The following AFF2 variants were observed in gnomAD, a reference collection of about 807,000 sequenced individuals.
AFF2 encodes the protein ALF transcription elongation factor 2, also known as AF4/FMR2 family member 2.
A neutral mutation model predicts 76.9 loss-of-function variants in AFF2; 14 were observed. That is an observed-to-expected ratio of 0.18 (90% CI 0.12 to 0.28). The LOEUF is 0.28. Ranked by LOEUF, AFF2 falls within the 10% of genes least tolerant of loss-of-function variation. The pLI, the probability that AFF2 is intolerant of heterozygous loss-of-function variation, is 1.00. For synonymous variants in AFF2, 398 were observed against 366.7 expected (o/e 1.09, Z -0.98); for missense variants, 868 against 1,001.1 (o/e 0.87, Z 1.79).
At chrX:148,863,892 T>C (rs2070877234) in intron 7 of AFF2, among the ~76,000 whole-genome samples, 1 of 111,692 alleles carries the variant, frequency 9.0e-6, no homozygotes, top group African/African-American at 3.3e-5. Flanking sequence ...GATTCTTATG[T>C]TTGCTGTAAG....
Position 148,749,756 on chromosome X carries a change from G to T in AFF2, c.1042-60120G>T, listed in dbSNP as rs2055473711. 2.7e-5 allele frequency among the ~76,000 whole-genome samples: 3 copies of T among 110,926 alleles called. No individual in the cohort carries two copies. The Admixed American group carries it at 2.9e-4, about 11-fold the overall frequency. ...GTCAAATCTTCACAGCACTTGCAAG[G>T]TAGTTGGCATTAAGCATCTTTTACA... On this transcript the variant is annotated intron_variant, in intron 3 of 20. Coordinates refer to ENST00000370460, the MANE Select transcript of AFF2 (RefSeq NM_002025.4).
intron 10 of AFF2, among the ~76,000 whole-genome samples, chrX:148,954,634 A>T (rs2072010581): frequency 8.9e-6 from 1 of 112,019 alleles, no homozygotes; most frequent in Non-Finnish European, 1.9e-5. Flanking sequence ...GAGGTTAAAA[A>T]GAACTTTCCC....
At chrX:148,825,021 TGACA>T (rs782052345) in intron 4 of AFF2, among the ~76,000 whole-genome samples, 10 of 110,974 alleles carry the variant, frequency 9.0e-5, no homozygotes, top group South Asian at 3.9e-4. Context: ...CACTCTGAGG[TGACA>T]GACAGAGTGA....
intron 3 of AFF2, among the ~76,000 whole-genome samples, chrX:148,789,532 G>A (rs2069864716): frequency 9.0e-6 from 1 of 111,543 alleles, no homozygotes; most frequent in Non-Finnish European, 1.9e-5. Context: ...AGCCCAGAGA[G>A]CATAGGTGAT....
chrX:148,793,402 A>G (rs1387021438), intron 3 of AFF2, among the ~76,000 whole-genome samples: 3 of 111,556 alleles, frequency 2.7e-5, no homozygotes, highest in African/African-American at 9.8e-5. Context: ...AGCTTTAACA[A>G]TTACCCCATC....
At chrX:148,868,849 A>G (rs782666123) in intron 7 of AFF2, among the ~76,000 whole-genome samples, 4 of 111,862 alleles carry the variant, frequency 3.6e-5, no homozygotes, top group Non-Finnish European at 7.5e-5. Flanking sequence ...CAAAATGGCA[A>G]AAACGGCTTA....
At chrX:148,952,036 A>C (rs2071974762) in intron 9 of AFF2, among the ~76,000 whole-genome samples, 1 of 112,214 alleles carries the variant, frequency 8.9e-6, no homozygotes, top group Middle Eastern at 4.6e-3. Flanking sequence ...CGGCACAGGA[A>C]GTGGATAGGC....
rs782356978 is a variant in AFF2 at position 148,956,641 on chromosome X, T to G, written c.2568+28T>G. 7 of 1,170,342 alleles carry G rather than the reference T, an allele frequency of 6.0e-6. No individual in the cohort carries two copies. The South Asian group carries it at 1.4e-4, about 23-fold the overall frequency. ...AAGCTGTCTAAAGTGGCCTGCCAAG[T>G]GCTTGTGAGCAGTGTCTGTTTGTTG... On this transcript the variant is annotated intron_variant, in intron 11 of 20. Coordinates refer to ENST00000370460, the MANE Select transcript of AFF2 (RefSeq NM_002025.4).
chrX:148,790,446 C>T (rs2069876805), intron 3 of AFF2, among the ~76,000 whole-genome samples: 1 of 111,536 alleles, frequency 9.0e-6, no homozygotes, highest in African/African-American at 3.3e-5. Flanking sequence ...CCCAAATGCC[C>T]ATCAATGATA....
At chrX:148,678,516 A>G (rs1432582449) in intron 3 of AFF2, among the ~76,000 whole-genome samples, 4 of 111,702 alleles carry the variant, frequency 3.6e-5, no homozygotes, top group Admixed American at 9.5e-5. Flanking sequence ...AGCCAGTCCA[A>G]TTGGCTTAAT....
chrX:148,607,650 C>T (rs181146346), intron 1 of AFF2, among the ~76,000 whole-genome samples: 37 of 111,648 alleles, frequency 3.3e-4, no homozygotes, highest in African/African-American at 1.2e-3. Context: ...TAGAGGGCAA[C>T]ATCAAAGGGG....
In AFF2 at chrX:148,658,461, GC is replaced by G. The variant is rs781991307; in HGVS notation, c.181-3446del. ...AGCTTCACTCCTGTGTCATTACTGTGCAAGAAAGCTGCACGCCTGGATTGTA... is the reference window on the plus strand; with the variant it reads ...AGCTTCACTCCTGTGTCATTACTGTGAAGAAAGCTGCACGCCTGGATTGTA... On this transcript the variant is annotated intron_variant, in intron 2 of 20. Coordinates refer to ENST00000370460, the MANE Select transcript of AFF2 (RefSeq NM_002025.4). Among the ~76,000 whole-genome samples, 3 of 111,955 alleles carry G rather than the reference GC, an allele frequency of 2.7e-5. No individual in the cohort carries two copies. In the South Asian group the frequency reaches 1.1e-3, roughly 42 times the overall value.
chrX:148,701,005 A>T (rs868948920), intron 3 of AFF2, among the ~76,000 whole-genome samples: 3 of 88,534 alleles, frequency 3.4e-5, no homozygotes, highest in South Asian at 6.2e-4. Flanking sequence ...AGAGAGAGAG[A>T]GAGAGAATGT....
intron 8 of AFF2, among the ~76,000 whole-genome samples, chrX:148,896,646 A>G (rs1202970131): frequency 1.3e-4 from 15 of 111,125 alleles, no homozygotes; most frequent in African/African-American, 4.6e-4. Flanking sequence ...CTGATAAAAC[A>G]TATTATATTG....
At chrX:148,681,036 GA>G (rs782361214) in intron 3 of AFF2, among the ~76,000 whole-genome samples, 18 of 111,763 alleles carry the variant, frequency 1.6e-4, no homozygotes, top group African/African-American at 5.8e-4. Context: ...ACCCAGAGTT[GA>G]GACCTTTGCG....
At chrX:148,507,137 A>G (rs1364896595) in intron 1 of AFF2, among the ~76,000 whole-genome samples, 2 of 112,313 alleles carry the variant, frequency 1.8e-5, no homozygotes, top group Non-Finnish European at 3.8e-5. Context: ...TCTTTCAAGG[A>G]TAGTTACTTA....
intron 3 of AFF2, among the ~76,000 whole-genome samples, chrX:148,804,614 G>T (rs1481738256): frequency 1.8e-5 from 2 of 112,634 alleles, no homozygotes; most frequent in Non-Finnish European, 3.7e-5. Flanking sequence ...CTGGCCAGAA[G>T]CAGTATTTTA....
At chrX:148,828,722 T>C (rs782070080) in intron 4 of AFF2, among the ~76,000 whole-genome samples, 9 of 111,865 alleles carry the variant, frequency 8.0e-5, no homozygotes, top group African/African-American at 2.9e-4. Context: ...TTCTTTGCAG[T>C]GTTTGAATGT....
chrX:148,949,200 A>G (rs183446135), intron 9 of AFF2, among the ~76,000 whole-genome samples: 7 of 111,391 alleles, frequency 6.3e-5, no homozygotes, highest in Admixed American at 2.9e-4. Context: ...ATCTGCATCT[A>G]TTCATTAATT....
Sources: allele counts gnomAD v4.1 joint callset (sites outside exome capture counted in the v4.1 genomes callset), GRCh38; gene constraint gnomAD v4.1.1; transcripts MANE v1.5; gene names NCBI Gene and HGNC (gene_info 2026-07-23, HGNC 2026-07-21).